Variants in MACROD2 observed in about 807,000 individuals in gnomAD.
The protein encoded by MACROD2 is ADP-ribose glycohydrolase MACROD2.
MACROD2 carries 36 observed loss-of-function variants against 70.4 expected under a neutral mutation model. The observed-to-expected ratio is 0.51, with a 90% CI of 0.39 to 0.68. MACROD2 has a LOEUF of 0.68. Among genes scored for constraint, MACROD2 ranks in the 30% least tolerant of loss-of-function variants. The pLI, the probability that MACROD2 is intolerant of heterozygous loss-of-function variation, is 0.00. For missense variants in MACROD2, 496 were observed against 538.4 expected, an observed-to-expected ratio of 0.92 and a Z score of 0.78; for synonymous variants, 172 against 178.8, an observed-to-expected ratio of 0.96 and a Z score of 0.30.
intron 12 of MACROD2, among the ~76,000 whole-genome samples, chr20:15,951,351 A>AC (rs71192308): frequency 0.023 from 3,433 of 149,074 alleles, 60 homozygotes; most frequent in Non-Finnish European, 0.038. Flanking sequence ...ACACACACAC[A>AC]AAGAGAGAGA....
Position 14,042,933 on chromosome 20 carries a change from T to TA in MACROD2, c.163+40530dup, listed in dbSNP as rs977493987. Among the ~76,000 whole-genome samples the TA allele has an allele frequency of 2.6e-5, 4 of 151,424 alleles. No individual in the cohort carries two copies. The East Asian group carries it at 5.8e-4, about 22-fold the overall frequency. On this transcript the variant is annotated intron_variant, in intron 2 of 17. Transcript: ENST00000684519. ...CAGGTGGTGGGTTTTTTTTTTTTTT[T>TA]ATTGAGACATGATCTTGCTCTGTCA...
intron 8 of MACROD2, among the ~76,000 whole-genome samples, chr20:15,671,788 G>A (rs955898159): frequency 1.3e-5 from 2 of 152,218 alleles, no homozygotes; most frequent in African/African-American, 4.8e-5. Context: ...GCTAACAAGT[G>A]AGGTTGAGTC....
At chr20:14,825,277 T>G (rs988657442) in intron 5 of MACROD2, among the ~76,000 whole-genome samples, 2 of 152,068 alleles carry the variant, frequency 1.3e-5, no homozygotes, top group Admixed American at 6.6e-5. Flanking sequence ...AAAAGGAAAG[T>G]GCTTGGCAGT....
intron 8 of MACROD2, among the ~76,000 whole-genome samples, chr20:15,829,092 AT>A (rs1049180927): frequency 4.6e-5 from 7 of 151,268 alleles, no homozygotes; most frequent in African/African-American, 1.7e-4. Context: ...TTGTTCTGGT[AT>A]TTATCTGATT....
At chr20:14,102,192 C>T (rs950943162) in intron 3 of MACROD2, among the ~76,000 whole-genome samples, 4 of 151,258 alleles carry the variant, frequency 2.6e-5, no homozygotes, top group African/African-American at 4.9e-5. Flanking sequence ...CTAGTAGAGA[C>T]GGGGTTTCAC....
At chr20:15,325,589 T>C (rs529036018) in intron 6 of MACROD2, among the ~76,000 whole-genome samples, 3 of 152,170 alleles carry the variant, frequency 2.0e-5, no homozygotes, top group Non-Finnish European at 2.9e-5. Context: ...AGATGACTAC[T>C]GTGCTGTGGA....
rs79522240 is a variant in MACROD2 at position 14,118,232 on chromosome 20, A to C, written c.271+32504A>C. On this transcript the variant is annotated intron_variant, in intron 3 of 17. Transcript: ENST00000684519. ...TGTTTGTACAAAACTCGGCTTCTTC[A>C]TATAATTGCATCTACTGAAGATTTG... Among the ~76,000 whole-genome samples the C allele has an allele frequency of 3.4e-3, 524 of 152,304 alleles. 9 individuals carry two copies. Among genetic ancestry groups the C allele is most frequent in the East Asian group, 0.021 (111 of 5,190 alleles).
At chr20:15,730,203 G>A (rs575884692) in intron 8 of MACROD2, among the ~76,000 whole-genome samples, 1 of 152,098 alleles carries the variant, frequency 6.6e-6, no homozygotes, top group Non-Finnish European at 1.5e-5. Flanking sequence ...TACATTCAGG[G>A]TTAATACTGA....
At chr20:15,025,774 G>A (rs1371401183) in intron 5 of MACROD2, among the ~76,000 whole-genome samples, 1 of 152,086 alleles carries the variant, frequency 6.6e-6, no homozygotes, top group Non-Finnish European at 1.5e-5. Flanking sequence ...CTACCCATCA[G>A]ATGCCATTGG....
At chr20:14,929,156 G>A (rs1383438590) in intron 5 of MACROD2, among the ~76,000 whole-genome samples, 1 of 152,084 alleles carries the variant, frequency 6.6e-6, no homozygotes, top group African/African-American at 2.4e-5. Flanking sequence ...TACCAACTAG[G>A]TGTCCTATAA....
intron 3 of MACROD2, among the ~76,000 whole-genome samples, chr20:14,362,406 C>G (rs756303373): frequency 6.6e-6 from 1 of 152,176 alleles, no homozygotes; most frequent in Non-Finnish European, 1.5e-5. Context: ...GGGTCAGGCC[C>G]TGTGGTAGCT....
intron 3 of MACROD2, among the ~76,000 whole-genome samples, chr20:14,485,700 T>TC (rs1568634508): frequency 6.0e-5 from 1 of 16,720 alleles, no homozygotes; most frequent in Non-Finnish European, 1.1e-4. Context: ...AGACTCCGTC[T>TC]CAAAAAAAAA....
At chr20:14,707,522 T>C (rs1210134705) in intron 5 of MACROD2, among the ~76,000 whole-genome samples, 1 of 152,194 alleles carries the variant, frequency 6.6e-6, no homozygotes, top group African/African-American at 2.4e-5. Flanking sequence ...CCAGTTTTGA[T>C]TGTAGCTCTC....
chr20:15,651,014 T>G (rs777407232), intron 8 of MACROD2, among the ~76,000 whole-genome samples: 21 of 152,206 alleles, frequency 1.4e-4, no homozygotes, highest in Non-Finnish European at 2.9e-4. Flanking sequence ...GAAATTGAAG[T>G]GAATACAAAT....
chr20:15,074,390 C>T (rs150107637), intron 5 of MACROD2, among the ~76,000 whole-genome samples: 59 of 152,270 alleles, frequency 3.9e-4, no homozygotes, highest in African/African-American at 1.3e-3. Flanking sequence ...CACCTGAAGA[C>T]GACTGGAGGG....
At chr20:15,678,974 C>T (rs201220) in intron 8 of MACROD2, among the ~76,000 whole-genome samples, 58,526 of 151,968 alleles carry the variant, frequency 0.39, 14,268 homozygotes, top group African/African-American at 0.66. Context: ...CGGTGGCTCA[C>T]GCCTGTAATC....
At chr20:15,427,724 C>A (rs1256318259) in intron 6 of MACROD2, among the ~76,000 whole-genome samples, 1 of 152,186 alleles carries the variant, frequency 6.6e-6, no homozygotes, top group Non-Finnish European at 1.5e-5. Context: ...CTGGTGTGAA[C>A]TGTCCTGAGC....
At chr20:15,320,094 A>C (rs1357532338) in intron 6 of MACROD2, among the ~76,000 whole-genome samples, 1 of 151,994 alleles carries the variant, frequency 6.6e-6, no homozygotes, top group Non-Finnish European at 1.5e-5. Context: ...ATCCCAGCTA[A>C]TCAGGAAGCT....
intron 3 of MACROD2, among the ~76,000 whole-genome samples, chr20:14,100,677 T>TAA: frequency 1.5e-5 from 2 of 131,334 alleles, no homozygotes; most frequent in African/African-American, 5.5e-5. Flanking sequence ...TAAATGTATT[T>TAA]ATATATTTAT....
Sources: allele counts gnomAD v4.1 joint callset (sites outside exome capture counted in the v4.1 genomes callset), GRCh38; gene constraint gnomAD v4.1.1; transcripts MANE v1.5; gene names NCBI Gene and HGNC (gene_info 2026-07-23, HGNC 2026-07-21).